The following MID1 variants were observed in gnomAD, a reference collection of about 807,000 sequenced individuals.
The protein encoded by MID1 is midline 1, also known as E3 ubiquitin-protein ligase Midline-1.
A neutral mutation model predicts 40.4 loss-of-function variants in MID1; 7 were observed. The observed-to-expected ratio is 0.17, with a 90% CI of 0.10 to 0.33. The LOEUF is 0.33. Ranked by LOEUF, MID1 falls within the 10% of genes least tolerant of loss-of-function variation. MID1 has a pLI of 1.00. For missense variants in MID1, 367 were observed against 558.5 expected (o/e 0.66, Z 3.46); for synonymous variants, 229 against 221.2 (o/e 1.04, Z -0.31).
At chrX:10,516,603 TGTGTGTGCGC>T (rs1387345456) in intron 3 of MID1, among the ~76,000 whole-genome samples, 1,664 of 71,954 alleles carry the variant, frequency 0.023, 51 homozygotes, top group African/African-American at 0.096. Context: ...TGTGTGTGTG[TGTGTGTGCGC>T]GCGCGCACGC....
intron 1 of MID1, among the ~76,000 whole-genome samples, chrX:10,807,233 A>G (rs1391152365): frequency 1.8e-5 from 2 of 110,630 alleles, no homozygotes; most frequent in Non-Finnish European, 3.8e-5. Flanking sequence ...TGACAGAGCA[A>G]GGCTCTGTTT....
chrX:10,579,599 A>C (rs1475568517), intron 1 of MID1, among the ~76,000 whole-genome samples: 1 of 111,573 alleles, frequency 9.0e-6, no homozygotes. Flanking sequence ...TTTCTCAAAG[A>C]AAATCGCTTT....
In MID1 at chrX:10,449,650, G is replaced by A. The variant is rs1337768381; in HGVS notation, c.1722C>T (p.Ser574=). The change falls in exon 10 of 10, where the codon TCC becomes TCT. Residue 574 remains serine, a synonymous_variant. Transcript: ENST00000317552. The part of the protein sequence containing the change: ...KHEWIGKNSA[S]WALCRCNNNW... ...TATTGTTGCAGCGGCAGAGCGCCCA[G>A]GAAGCAGAGTTCTTCCCAATCCATT... The A allele has an allele frequency of 8.3e-7, 1 of 1,211,784 alleles. No homozygotes were observed. Among genetic ancestry groups the A allele is most frequent in the Non-Finnish European group, 1.1e-6 (1 of 895,484 alleles).
chrX:10,620,375 CCG>C lies in MID1; in HGVS notation c.-144_-143del. On this transcript the variant is annotated 5_prime_UTR_variant, in exon 1 of 10. Transcript: ENST00000317552. ...CGTCGCAGTCTTCAGAGCGGAAACA[CCG>C]AACCCGACAGGAGCCCGCAAGACAA... is the stretch of plus-strand genomic sequence containing the variant. The C allele has an allele frequency of 1.8e-5, 2 of 112,800 alleles. No homozygotes were observed. The highest frequency in any genetic ancestry group is 1.9e-4 in the Admixed American group (2 of 10,732). 9.3% of individuals were successfully genotyped at this position (112,800 alleles called of 1,213,427 possible).
chrX:10,485,089 T>G (rs1257090202), intron 4 of MID1, among the ~76,000 whole-genome samples: 1 of 112,547 alleles, frequency 8.9e-6, no homozygotes, highest in East Asian at 2.8e-4. Flanking sequence ...TTTATTGGCA[T>G]ACTACCACAC....
At chrX:10,571,612 G>A (rs1336137548) in intron 1 of MID1, among the ~76,000 whole-genome samples, 1 of 108,817 alleles carries the variant, frequency 9.2e-6, no homozygotes, top group Non-Finnish European at 1.9e-5. Flanking sequence ...GGTTCATTCC[G>A]AGAGAGAAAA....
Position 10,448,501 on chromosome X carries a change from A to G in MID1, c.*867T>C, listed in dbSNP as rs1272717378. 1 of 112,015 alleles carries G rather than the reference A, an allele frequency of 8.9e-6. No homozygotes were observed. The highest frequency in any genetic ancestry group is 1.9e-5 in the Non-Finnish European group (1 of 53,230). The allele number at this position is 112,015 out of a possible 1,213,427, so 9.2% of individuals were successfully genotyped here. On this transcript the variant is annotated 3_prime_UTR_variant, in exon 10 of 10. Coordinates refer to ENST00000317552, the MANE Select transcript of MID1 (RefSeq NM_000381.4). ...GAAGAAATTTCACAGGTCTAAAGGAACTATTAAAAGGAAGGATAAAGTAGA... is the reference window on the plus strand; with the variant it reads ...GAAGAAATTTCACAGGTCTAAAGGAGCTATTAAAAGGAAGGATAAAGTAGA...
intron 1 of MID1, among the ~76,000 whole-genome samples, chrX:10,696,739 C>T (rs2043166003): frequency 8.9e-6 from 1 of 112,113 alleles, no homozygotes; most frequent in Non-Finnish European, 1.9e-5. Context: ...AATTTTAATA[C>T]ATATGTGGCT....
chrX:10,766,156 C>T (rs2043727416), intron 1 of MID1, among the ~76,000 whole-genome samples: 1 of 111,466 alleles, frequency 9.0e-6, no homozygotes, highest in African/African-American at 3.3e-5. Context: ...GACCAACAAT[C>T]GTGCCACAAA....
At chrX:10,698,775 C>T (rs1165567956) in intron 1 of MID1, among the ~76,000 whole-genome samples, 1 of 110,421 alleles carries the variant, frequency 9.1e-6, no homozygotes, top group Non-Finnish European at 1.9e-5. Flanking sequence ...TCCTCCTTCC[C>T]CGTAAAGGCA....
intron 3 of MID1, among the ~76,000 whole-genome samples, chrX:10,513,215 CTTGA>C (rs1226426869): frequency 1.8e-5 from 2 of 112,145 alleles, no homozygotes; most frequent in African/African-American, 3.2e-5. Context: ...ATAATTTCAA[CTTGA>C]TTGTCATTGG....
chrX:10,534,355 T>C (rs61536731), intron 2 of MID1, among the ~76,000 whole-genome samples: 12,956 of 111,536 alleles, frequency 0.12, 1,245 homozygotes, highest in African/African-American at 0.32. Flanking sequence ...TGGATGAAAA[T>C]ACATTTTTGT....
chrX:10,705,496 G>T (rs1336039328), intron 1 of MID1, among the ~76,000 whole-genome samples: 1 of 112,090 alleles, frequency 8.9e-6, no homozygotes, highest in Non-Finnish European at 1.9e-5. Flanking sequence ...TTGTTGAGAA[G>T]ATTAAATGAG....
At chrX:10,693,834 T>C (rs763146654) in intron 1 of MID1, among the ~76,000 whole-genome samples, 6 of 111,963 alleles carry the variant, frequency 5.4e-5, no homozygotes, top group Non-Finnish European at 1.1e-4. Context: ...CCAGAAGTTA[T>C]AGTTTATTTG....
intron 1 of MID1, among the ~76,000 whole-genome samples, chrX:10,648,988 T>C (rs1936290218): frequency 8.9e-6 from 1 of 112,342 alleles, no homozygotes; most frequent in East Asian, 2.8e-4. Context: ...AAGATTTCCT[T>C]AAGTTCACAA....
chrX:10,533,332 G>GAAAGA (rs1933061115), intron 2 of MID1, among the ~76,000 whole-genome samples: 1 of 43,717 alleles, frequency 2.3e-5, no homozygotes, highest in African/African-American at 9.2e-5. Flanking sequence ...AGAAAGGAAA[G>GAAAGA]AAAGAAAGAA....
At chrX:10,786,036 C>A (rs1323433863) in intron 1 of MID1, among the ~76,000 whole-genome samples, 1 of 111,505 alleles carries the variant, frequency 9.0e-6, no homozygotes, top group Non-Finnish European at 1.9e-5. Context: ...AGGCAACCTA[C>A]AGAATGGGAG....
chrX:10,658,666 CA>C (rs1014845218), intron 1 of MID1, among the ~76,000 whole-genome samples: 2 of 109,713 alleles, frequency 1.8e-5, no homozygotes, highest in African/African-American at 6.6e-5. Context: ...TGAAACTCAC[CA>C]GCCCTGCTGC....
intron 1 of MID1, among the ~76,000 whole-genome samples, chrX:10,594,866 GTGA>G (rs1330562096): frequency 2.6e-4 from 29 of 111,882 alleles, no homozygotes; most frequent in African/African-American, 8.4e-4. Context: ...TATTTAGGGA[GTGA>G]TGAATTCTAG....
Sources: allele counts gnomAD v4.1 joint callset (sites outside exome capture counted in the v4.1 genomes callset), GRCh38; gene constraint gnomAD v4.1.1; transcripts MANE v1.5; gene names NCBI Gene and HGNC (gene_info 2026-07-23, HGNC 2026-07-21).